Variants in FBN3 observed in about 807,000 individuals in gnomAD.
FBN3 encodes fibrillin 3, also known as fibrillin-3.
Under a neutral mutation model 330.1 loss-of-function variants are expected in FBN3, and 234 were observed. That is an observed-to-expected ratio of 0.71 (90% CI 0.64 to 0.79). The LOEUF (loss-of-function observed/expected upper bound fraction) is 0.79, where lower values mean the gene tolerates loss of function less well. Ranked by LOEUF, FBN3 falls within the 30% of genes least tolerant of loss-of-function variation. FBN3 has a pLI of 0.00. For synonymous variants in FBN3, 1,458 were observed against 1,517.3 expected (o/e 0.96, Z 0.91); for missense variants, 3,606 against 3,886.9 (o/e 0.93, Z 1.92).
chr19:8,082,456 CCCTT>C (rs201197502), intron 57 of FBN3, among the ~76,000 whole-genome samples: 51,774 of 135,488 alleles, frequency 0.38, 10,885 homozygotes, highest in South Asian at 0.62. Flanking sequence ...TCCTTCCCTT[CCCTT>C]CCTTCCTTCC....
At position 8,131,151 on chromosome 19, in the gene FBN3, A is replaced by G. The variant is rs1222261980; in HGVS notation, c.2044+84T>C. On this transcript the variant is annotated intron_variant, in intron 16 of 63. Coordinates refer to ENST00000600128, the MANE Select transcript of FBN3 (RefSeq NM_032447.5). This position sits in a 1 kb window ranked among gnomAD's most constrained non-coding sequence, Gnocchi z 4.5. ...ACTTTGTTACGGGAACCCCGGGCCA[A>G]CTCCTACAGCCTCCCACCACAGCTC... is the stretch of plus-strand genomic sequence containing the variant. 1.5e-6 allele frequency: 2 copies of G among 1,377,192 alleles called. No individual in the cohort carries two copies. Among genetic ancestry groups the G allele is most frequent in the East Asian group, 2.4e-5 (1 of 42,086 alleles). 85.3% of individuals were successfully genotyped at this position (1,377,192 alleles called of 1,614,324 possible). A position where few individuals can be genotyped will look rare whatever the true frequency, so the allele number is the denominator to read the frequency against.
Position 8,066,106 on chromosome 19 carries a change from C to A in FBN3, c.8243G>T (p.Gly2748Val), listed in dbSNP as rs779357354. Residue 2748 changes from glycine to valine, a missense_variant, in exon 64 of 64, where the codon GGT becomes GTT. Transcript: ENST00000600128. ...ACGGAGGTGATGCATGCGAAAGAAA[C>A]CTTGCTCGTTTCCGCGGACGATGAC... is the stretch of plus-strand genomic sequence containing the variant. The part of the protein sequence containing the change: ...RYVIVRGNEQ[G>V]FFRMHHLRGV... 1 of 1,613,518 alleles carries A rather than the reference C, an allele frequency of 6.2e-7. No homozygotes were observed. Among genetic ancestry groups the A allele is most frequent in the Non-Finnish European group, 8.5e-7 (1 of 1,179,952 alleles).
rs776279257 is a variant in FBN3, at chr19:8,085,569, T to G, written c.6881A>C (p.Asp2294Ala). The G allele has an allele frequency of 6.4e-7, 1 of 1,554,812 alleles. No individual in the cohort carries two copies. Among genetic ancestry groups the G allele is most frequent in the Non-Finnish European group, 8.7e-7 (1 of 1,151,218 alleles). ...QPSPTLTECH[D>A]IRQGPCFAEV... The stretch of plus-strand genomic sequence containing the variant: ...GGCAAAGCAGGGCCCCTGCCGGATG[T>G]CTGCAGAGAACAATGGGAAAGACAA... Residue 2294 changes from aspartate to alanine, a missense_variant and splice_region_variant, in exon 56 of 64, where the codon GAC becomes GCC. By Grantham distance (126) the Asp-to-Ala change is moderately radical (BLOSUM62 -2). Transcript: ENST00000600128.
chr19:8,118,672 C>G (rs549391734), intron 26 of FBN3, among the ~76,000 whole-genome samples: 9 of 152,088 alleles, frequency 5.9e-5, no homozygotes, highest in Non-Finnish European at 1.2e-4. Context: ...CACACATGTG[C>G]GTGTTCATCT....
chr19:8,131,493 G>A lies in FBN3; in HGVS notation c.1990+61C>T, dbSNP rs749311825. 392 of 1,550,238 alleles carry A rather than the reference G, an allele frequency of 2.5e-4. No individual in the cohort carries two copies. In the Middle Eastern group the frequency reaches 5.7e-3, roughly 23 times the overall value. ...GCAGCCATGACCCCCCACCAGAAGCGAGAACCGATGGAGGCATTCAGACCA... is the reference window on the plus strand; with the variant it reads ...GCAGCCATGACCCCCCACCAGAAGCAAGAACCGATGGAGGCATTCAGACCA... On this transcript the variant is annotated intron_variant, in intron 15 of 63. Coordinates refer to ENST00000600128, the MANE Select transcript of FBN3 (RefSeq NM_032447.5). This position sits in a 1 kb window ranked among gnomAD's most constrained non-coding sequence, Gnocchi z 4.5.
chr19:8,089,773 C>A, intron 50 of FBN3, 103 bp from the exon 51 acceptor site: 1 of 1,564,474 alleles, frequency 6.4e-7, no homozygotes. Flanking sequence ...AAGCCCCAGG[C>A]TGGCAGGGTC....
Position 8,141,834 on chromosome 19 carries a change from C to T in FBN3, c.748G>A (p.Glu250Lys). Residue 250 changes from glutamate (E) to lysine (K), a missense_variant, in exon 8 of 64, where the codon GAG becomes AAG. Transcript: ENST00000600128. ...CACAGGCCTGGCACAGCCTGGCACT[C>T]ATCCACATCTGCAAGGACAAAGCCC... ...IHTGACQDVD[E>K]CQAVPGLCQG... 1 of 1,614,160 alleles carries T rather than the reference C, an allele frequency of 6.2e-7. No homozygotes were observed. Among genetic ancestry groups the T allele is most frequent in the Non-Finnish European group, 8.5e-7 (1 of 1,180,018 alleles).
chr19:8,087,036 C>A lies in FBN3; in HGVS notation c.6754+41G>T, dbSNP rs370141556. ...CTCTTGCTTTGACCTCTCCCTTCCA[C>A]AAGGAGTTTCCTGCACCCATGAAGC... On this transcript the variant is annotated intron_variant, in intron 54 of 63. Transcript: ENST00000600128. The A allele has an allele frequency of 6.3e-6, 10 of 1,586,228 alleles. No individual in the cohort carries two copies. The African/African-American group carries it at 1.4e-4, about 22-fold the overall frequency.
At chr19:8,083,430 A>C (rs17160149) in intron 56 of FBN3, 58 bp from the exon 57 acceptor site, 499,496 of 1,597,338 alleles carry the variant, frequency 0.31, 80,046 homozygotes, top group Admixed American at 0.45. Context: ...TCCACCGAGG[A>C]ATGTCTCCTT....
intron 47 of FBN3, among the ~76,000 whole-genome samples, chr19:8,092,465 C>T (rs559099163): frequency 4.6e-5 from 7 of 152,116 alleles, no homozygotes; most frequent in Admixed American, 2.6e-4. Context: ...GTAATCCCAG[C>T]ACTTTGGGAG....
chr19:8,097,284 G>A lies in FBN3; in HGVS notation c.5287+5C>T, dbSNP rs1430643490. 2 of 1,602,748 alleles carry A rather than the reference G, an allele frequency of 1.2e-6. No individual in the cohort carries two copies. Among genetic ancestry groups the A allele is most frequent in the South Asian group, 1.1e-5 (1 of 90,366 alleles). ...CCCAGGGCTGGGAACAGGGAGAGGT[G>A]GCACCTTCACAAGCCAGCAGGATGC... On this transcript the variant is annotated splice_donor_5th_base_variant and intron_variant, in intron 42 of 63. Coordinates refer to ENST00000600128, the MANE Select transcript of FBN3 (RefSeq NM_032447.5).
In FBN3 at chr19:8,087,228, A is replaced by G. The variant is rs773883487; in HGVS notation, c.6620-17T>C. Reference sequence around the variant, plus strand: ...CGTCCACATCTTCGGATGACCAGAGACAGATGGTCAGTCAAGGCCAGGCAC... The same window carrying G: ...CGTCCACATCTTCGGATGACCAGAGGCAGATGGTCAGTCAAGGCCAGGCAC... On this transcript the variant is annotated splice_polypyrimidine_tract_variant and intron_variant, in intron 53 of 63. Transcript: ENST00000600128. 6.4e-7 allele frequency: 1 copy of G among 1,567,974 alleles called. No individual in the cohort carries two copies. The highest frequency in any genetic ancestry group is 2.3e-5 in the East Asian group (1 of 43,548).
Position 8,136,241 on chromosome 19 carries a change from A to C in FBN3, c.1414T>G (p.Cys472Gly), listed in dbSNP as rs2083277783. Residue 472 changes from cysteine (C) to glycine (G), a missense_variant, in exon 12 of 64, where the codon TGC (cysteine) becomes GGC (glycine). By Grantham distance (159) the Cys-to-Gly change is radical. Coordinates refer to ENST00000600128, the MANE Select transcript of FBN3 (RefSeq NM_032447.5). Reference protein sequence around the residue: ...DCVNIPGTYHCRCYPGFQATP... With the variant: ...DCVNIPGTYHGRCYPGFQATP... ...GCCTGGAAGCCCGGGTAGCACCGGCAGTGGTAGGTGCCGGGGATGTTGACG... is the reference window on the plus strand; with the variant it reads ...GCCTGGAAGCCCGGGTAGCACCGGCCGTGGTAGGTGCCGGGGATGTTGACG... The C allele has an allele frequency of 6.2e-7, 1 of 1,610,828 alleles. No individual in the cohort carries two copies. Among genetic ancestry groups the C allele is most frequent in the Non-Finnish European group, 8.5e-7 (1 of 1,179,144 alleles).
intron 41 of FBN3, among the ~76,000 whole-genome samples, chr19:8,097,989 C>G (rs115839582): frequency 0.032 from 4,876 of 152,198 alleles, 271 homozygotes; most frequent in African/African-American, 0.11. Context: ...AAGGGAGGGG[C>G]TAAAGGGAGA....
chr19:8,126,910 G>T, intron 18 of FBN3, 78 bp from the exon 19 acceptor site: 1 of 1,486,510 alleles, frequency 6.7e-7, no homozygotes, highest in Middle Eastern at 2.0e-4. Context: ...CCTCCCCAAG[G>T]GGCCGCCGCA....
At chr19:8,126,130 G>A (rs770371690) in intron 21 of FBN3, 113 bp from the exon 22 acceptor site, 396 of 1,486,878 alleles carry the variant, frequency 2.7e-4, no homozygotes, top group Non-Finnish European at 3.4e-4. Flanking sequence ...ACGGGGACAC[G>A]GGGACTGGGG....
rs1568385207 is a variant in FBN3 at position 8,094,556 on chromosome 19, T to A, written c.5795A>T (p.Glu1932Val). The A allele has an allele frequency of 1.9e-6, 3 of 1,613,214 alleles. No individual in the cohort carries two copies. Among genetic ancestry groups the A allele is most frequent in the Non-Finnish European group, 2.5e-6 (3 of 1,179,486 alleles). Reference protein sequence around the residue: ...ADGKNCVDTNECLSLAGTCLP... With the variant: ...ADGKNCVDTNVCLSLAGTCLP... ...GCAGGTTCCTGCAAGGCTGAGGCAC[T>A]CATTGGTGTCTGTGAAAAGGAGGAA... The change falls in exon 47 of 64, where the codon GAG (glutamate) becomes GTG (valine). Residue 1932 changes from glutamate (E) to valine (V), a missense_variant. Physicochemically the swap from Glu to Val is moderately radical, Grantham distance 121. Transcript: ENST00000600128.
chr19:8,123,622 T>A, intron 23 of FBN3, 33 bp from the exon 24 acceptor site: 1 of 1,611,582 alleles, frequency 6.2e-7, no homozygotes, highest in South Asian at 1.1e-5. Flanking sequence ...CACCCTGACG[T>A]CCCCAAGCTC....
intron 59 of FBN3, among the ~76,000 whole-genome samples, chr19:8,075,642 C>T (rs935828391): frequency 6.6e-6 from 1 of 152,192 alleles, no homozygotes; most frequent in Non-Finnish European, 1.5e-5. Flanking sequence ...AGCTGTGTGT[C>T]CTTGGGCAAC....
Sources: allele counts gnomAD v4.1 joint callset (sites outside exome capture counted in the v4.1 genomes callset), GRCh38; gene constraint gnomAD v4.1.1; non-coding constraint Gnocchi (gnomAD v3.1); transcripts MANE v1.5; gene names NCBI Gene and HGNC (gene_info 2026-07-23, HGNC 2026-07-21).